CPLX2: variants seen among roughly 807,000 people sequenced by gnomAD.
CPLX2 encodes complexin-2.
In CPLX2, 5 loss-of-function variants were observed where a neutral mutation model predicts 16.3. The observed-to-expected ratio is 0.31, with a 90% CI of 0.16 to 0.64. The LOEUF is 0.64. CPLX2 is among the 30% of genes least tolerant of loss of function. The pLI, the probability that CPLX2 is intolerant of heterozygous loss-of-function variation, is 0.79. For synonymous variants in CPLX2, 89 were observed against 73.2 expected, an observed-to-expected ratio of 1.22 and a Z score of -1.10; for missense variants, 144 against 181.4, an observed-to-expected ratio of 0.79 and a Z score of 1.18.
At position 175,834,898 on chromosome 5, in the gene CPLX2, CA is replaced by C. The variant is rs563462021; in HGVS notation, c.-89+25833del. ...CAAAAACAAACAAACAAACAAAAAA[CA>C]AACAAACGAAAGTTTTGTGGAAGCA... On this transcript the variant is annotated intron_variant, in intron 2 of 4. Transcript: ENST00000359546. Among the ~76,000 whole-genome samples the C allele has an allele frequency of 1.1e-4, 16 of 152,216 alleles. No homozygotes were observed. In the South Asian group the frequency reaches 2.9e-3, roughly 28 times the overall value.
At position 175,883,026 on chromosome 5, in the gene CPLX2, A is replaced by C. The variant is rs966882232; in HGVS notation, c.*2981A>C. 6.6e-6 allele frequency: 1 copy of C among 152,266 alleles called. No individual in the cohort carries two copies. The highest frequency in any genetic ancestry group is 2.4e-5 in the African/African-American group (1 of 41,446). 9.4% of individuals were successfully genotyped at this position (152,266 alleles called of 1,614,324 possible). On this transcript the variant is annotated 3_prime_UTR_variant, in exon 4 of 4. Transcript: ENST00000393745. ...AGTGTGCATGCAACACACTTAGGGG[A>C]GGAGTGGCCCCAGAATTCAGCACGC...
intron 2 of CPLX2, among the ~76,000 whole-genome samples, chr5:175,834,573 T>C (rs1449117114): frequency 6.6e-6 from 1 of 152,028 alleles, no homozygotes; most frequent in Admixed American, 6.5e-5. Context: ...GCCTGGGAAA[T>C]GCAGAAAAGT....
upstream of CPLX2, among the ~76,000 whole-genome samples, chr5:175,869,519 T>G (rs997127752): frequency 6.6e-6 from 1 of 152,164 alleles, no homozygotes; most frequent in African/African-American, 2.4e-5. Context: ...TCGCCAGCAA[T>G]AGAAAAAGCA....
At chr5:175,841,325 T>G (rs1758939456) in intron 2 of CPLX2, among the ~76,000 whole-genome samples, 1 of 152,194 alleles carries the variant, frequency 6.6e-6, no homozygotes, top group Non-Finnish European at 1.5e-5. Flanking sequence ...AAGGGCAGTT[T>G]GTGCAAGCTC....
intron 2 of CPLX2, among the ~76,000 whole-genome samples, chr5:175,860,849 C>G (rs2113689488): frequency 6.6e-6 from 1 of 152,304 alleles, no homozygotes; most frequent in East Asian, 1.9e-4. Flanking sequence ...TGGAAGAAGA[C>G]AGGAACTCCA....
In CPLX2 at chr5:175,842,561, A is replaced by T. The variant is rs561113536; in HGVS notation, c.-89+33493A>T. On this transcript the variant is annotated intron_variant, in intron 2 of 4. Coordinates refer to the CPLX2 transcript ENST00000359546. ...TGGGAAGACACATGGTACCGTGGTGACCCACATCACCATCTCTGCAGAGTC... is the reference window on the plus strand; with the variant it reads ...TGGGAAGACACATGGTACCGTGGTGTCCCACATCACCATCTCTGCAGAGTC... 3.9e-5 allele frequency among the ~76,000 whole-genome samples: 6 copies of T among 152,298 alleles called. No homozygotes were observed. The South Asian group carries it at 1.2e-3, about 32-fold the overall frequency.
rs1759032789 is a variant in CPLX2, at chr5:175,845,799, C to T, written c.-88-32853C>T. Among the ~76,000 whole-genome samples the T allele has an allele frequency of 6.6e-6, 1 of 152,118 alleles. No individual in the cohort carries two copies. The highest frequency in any genetic ancestry group is 2.4e-5 in the African/African-American group (1 of 41,438). On this transcript the variant is annotated intron_variant, in intron 2 of 4. Coordinates refer to the CPLX2 transcript ENST00000359546. This position sits in a 1 kb window ranked among gnomAD's most constrained non-coding sequence, Gnocchi z 4.0. ...TGTCAGATAACAGAGGCAGAACTTACACCCAGGCCTTTGGGCTGCTAAGGG... is the reference window on the plus strand; with the variant it reads ...TGTCAGATAACAGAGGCAGAACTTATACCCAGGCCTTTGGGCTGCTAAGGG...
intron 2 of CPLX2, among the ~76,000 whole-genome samples, chr5:175,831,671 G>C (rs889154331): frequency 1.3e-5 from 2 of 152,334 alleles, no homozygotes; most frequent in African/African-American, 4.8e-5. Context: ...TCCCAAGAGA[G>C]GCCAGGCATG....
intron 2 of CPLX2, among the ~76,000 whole-genome samples, chr5:175,818,958 C>A (rs139472911): frequency 6.6e-6 from 1 of 152,070 alleles, no homozygotes; most frequent in Non-Finnish European, 1.5e-5. Context: ...CCACCGCGCC[C>A]GGCCCCGACT....
At position 175,882,742 on chromosome 5, in the gene CPLX2, C is replaced by G. The variant is rs1019756078; in HGVS notation, c.*2697C>G. On this transcript the variant is annotated 3_prime_UTR_variant, in exon 4 of 4. Transcript: ENST00000393745. The stretch of plus-strand genomic sequence containing the variant: ...GATATAGGAGAAAATTTCTGCCTGG[C>G]ACACACCTGGCTCCAACCACTGCCA... 1 of 153,026 alleles carries G rather than the reference C, an allele frequency of 6.5e-6. No individual in the cohort carries two copies. Among genetic ancestry groups the G allele is most frequent in the Non-Finnish European group, 1.5e-5 (1 of 68,348 alleles). The allele number at this position is 153,026 out of a possible 1,614,324, so 9.5% of individuals were successfully genotyped here.
At chr5:175,854,849 C>A (rs1440289640) in intron 2 of CPLX2, among the ~76,000 whole-genome samples, 1 of 152,162 alleles carries the variant, frequency 6.6e-6, no homozygotes, top group Non-Finnish European at 1.5e-5. Flanking sequence ...ATTACACAAT[C>A]CATTGATTCC....
In CPLX2 at chr5:175,830,542, G is replaced by C. The variant is rs1331415865; in HGVS notation, c.-89+21474G>C. 2.0e-5 allele frequency among the ~76,000 whole-genome samples: 3 copies of C among 152,152 alleles called. No homozygotes were observed. Among genetic ancestry groups the C allele is most frequent in the African/African-American group, 7.2e-5 (3 of 41,432 alleles). ...ACCCCCAGCTGTCCAGCCACCCTTA[G>C]CCTCTTCCTCTTTGCCACAGGCCAT... On this transcript the variant is annotated intron_variant, in intron 2 of 4. Transcript: ENST00000359546. The surrounding 1 kb of genome is among the most constrained non-coding windows in gnomAD (Gnocchi z 4.0).
rs1314278073 is a variant in CPLX2 at position 175,830,179 on chromosome 5, A to G, written c.-89+21111A>G. ...TGAAGGGCAGTGTGGGCAGAGGGAC[A>G]GGCAGGGAGGGCACTGCCGCCACAG... is the stretch of plus-strand genomic sequence containing the variant. On this transcript the variant is annotated intron_variant, in intron 2 of 4. Transcript: ENST00000359546. The surrounding 1 kb of genome is among the most constrained non-coding windows in gnomAD (Gnocchi z 4.0). Among the ~76,000 whole-genome samples the G allele has an allele frequency of 6.6e-6, 1 of 152,250 alleles. No individual in the cohort carries two copies. The highest frequency in any genetic ancestry group is 6.5e-5 in the Admixed American group (1 of 15,290).
At chr5:175,858,992 A>G (rs1025034513) in intron 2 of CPLX2, among the ~76,000 whole-genome samples, 5 of 152,214 alleles carry the variant, frequency 3.3e-5, no homozygotes, top group African/African-American at 1.2e-4. Flanking sequence ...CTACCAGAGA[A>G]GCCACGTGAT....
Position 175,849,114 on chromosome 5 carries a change from C to T in CPLX2, c.-88-29538C>T, listed in dbSNP as rs1220463702. Among the ~76,000 whole-genome samples, 1 of 152,198 alleles carries T rather than the reference C, an allele frequency of 6.6e-6. No individual in the cohort carries two copies. The highest frequency in any genetic ancestry group is 1.5e-5 in the Non-Finnish European group (1 of 68,036). ...AGGATCCCTCCTCTGCTGTGGGAGGCTGTGCTGGTGTGTGTTTTTAACACC... is the reference window on the plus strand; with the variant it reads ...AGGATCCCTCCTCTGCTGTGGGAGGTTGTGCTGGTGTGTGTTTTTAACACC... On this transcript the variant is annotated intron_variant, in intron 2 of 4. Transcript: ENST00000359546. The surrounding 1 kb of genome is among the most constrained non-coding windows in gnomAD (Gnocchi z 4.4).
intron 2 of CPLX2, among the ~76,000 whole-genome samples, chr5:175,824,222 G>T (rs1374287852): frequency 2.0e-5 from 3 of 152,190 alleles, no homozygotes; most frequent in African/African-American, 7.2e-5. Context: ...TTTAAGTCAT[G>T]ATTAATTCAT....
chr5:175,809,992 G>A lies in CPLX2; in HGVS notation c.-89+924G>A, dbSNP rs1479327406. On this transcript the variant is annotated intron_variant, in intron 2 of 4. Coordinates refer to the CPLX2 transcript ENST00000359546. This position sits in a 1 kb window ranked among gnomAD's most constrained non-coding sequence, Gnocchi z 4.4. ...AGCTATTTATGATGCTGAGTCATTC[G>A]CAGAGAATGCCACTGAGGAATTCCA... Among the ~76,000 whole-genome samples the A allele has an allele frequency of 1.3e-5, 2 of 152,096 alleles. No individual in the cohort carries two copies. Among genetic ancestry groups the A allele is most frequent in the African/African-American group, 2.4e-5 (1 of 41,404 alleles).
chr5:175,803,100 A>G (rs892186416), intron 1 of CPLX2, among the ~76,000 whole-genome samples: 4 of 152,156 alleles, frequency 2.6e-5, no homozygotes, highest in Non-Finnish European at 5.9e-5. Context: ...AAGTGCTGGG[A>G]TTACAGGCAT....
intron 1 of CPLX2, among the ~76,000 whole-genome samples, chr5:175,807,407 T>G (rs1226144094): frequency 6.6e-6 from 1 of 152,146 alleles, no homozygotes; most frequent in Non-Finnish European, 1.5e-5. Flanking sequence ...AAGGCCAGCC[T>G]CCTGTCCCTG....
Sources: allele counts gnomAD v4.1 joint callset (sites outside exome capture counted in the v4.1 genomes callset), GRCh38; gene constraint gnomAD v4.1.1; non-coding constraint Gnocchi (gnomAD v3.1); transcripts MANE v1.5; gene names NCBI Gene and HGNC (gene_info 2026-07-23, HGNC 2026-07-21).